The following UNC79 variants were observed in gnomAD, a reference collection of about 807,000 sequenced individuals.
UNC79 encodes the protein protein unc-79 homolog.
Under a neutral mutation model 283.1 loss-of-function variants are expected in UNC79, and 37 were observed. That is an observed-to-expected ratio of 0.13 (90% confidence interval 0.10 to 0.17). UNC79 has a LOEUF of 0.17. UNC79 is among the 10% of genes least tolerant of loss of function. UNC79 has a pLI of 1.00. For missense variants in UNC79, 2,272 were observed against 3,211.1 expected, an observed-to-expected ratio of 0.71 and a Z score of 7.07; for synonymous variants, 1,107 against 1,200.2, an observed-to-expected ratio of 0.92 and a Z score of 1.61.
At chr14:93,590,555 A>G (rs1360430955) in intron 22 of UNC79, among the ~76,000 whole-genome samples, 1 of 152,068 alleles carries the variant, frequency 6.6e-6, no homozygotes, top group East Asian at 1.9e-4. Flanking sequence ...AACCCCCCAG[A>G]ATGTACACTT....
At chr14:93,347,520 G>A in intron 1 of UNC79, 1 of 1,152,372 alleles carries the variant, frequency 8.7e-7, no homozygotes, top group Non-Finnish European at 1.1e-6. Flanking sequence ...TGGCTTGGTC[G>A]CCGTTGGGGG....
intron 14 of UNC79, among the ~76,000 whole-genome samples, chr14:93,552,395 T>G (rs2141313358): frequency 6.6e-6 from 1 of 152,302 alleles, no homozygotes; most frequent in African/African-American, 2.4e-5. Flanking sequence ...AGAATAAGCC[T>G]TAGTTTGCAG....
At chr14:93,653,178 C>T (rs1256629268) in intron 35 of UNC79, among the ~76,000 whole-genome samples, 1 of 152,058 alleles carries the variant, frequency 6.6e-6, no homozygotes, top group Non-Finnish European at 1.5e-5. Flanking sequence ...ATAAATTTGG[C>T]CCTACTTTTG....
chr14:93,506,358 G>C (rs1256758452), intron 7 of UNC79, among the ~76,000 whole-genome samples: 1 of 151,998 alleles, frequency 6.6e-6, no homozygotes. Flanking sequence ...GAGTAGCTGG[G>C]ATTACAGGCA....
chr14:93,591,963 A>C (rs1336494672), intron 22 of UNC79, among the ~76,000 whole-genome samples: 1 of 152,180 alleles, frequency 6.6e-6, no homozygotes, highest in African/African-American at 2.4e-5. Flanking sequence ...AGTTGGTTTT[A>C]TGCAGTTATG....
intron 39 of UNC79, among the ~76,000 whole-genome samples, chr14:93,660,178 C>T (rs1457915477): frequency 6.6e-6 from 1 of 152,096 alleles, no homozygotes; most frequent in Non-Finnish European, 1.5e-5. Context: ...ACGTATTCTG[C>T]AACTGTTTAA....
At chr14:93,583,824 A>T (rs1274783063) in intron 20 of UNC79, among the ~76,000 whole-genome samples, 1 of 132,180 alleles carries the variant, frequency 7.6e-6, no homozygotes, top group African/African-American at 3.4e-5. Context: ...TTTTTTTTTA[A>T]GATAAGGGTC....
At chr14:93,480,571 G>T (rs1315726567) in intron 4 of UNC79, among the ~76,000 whole-genome samples, 1 of 152,056 alleles carries the variant, frequency 6.6e-6, no homozygotes. Flanking sequence ...AAAATAAATT[G>T]TAATACCAAC....
chr14:93,336,064 C>T (rs975870092), intron 1 of UNC79, among the ~76,000 whole-genome samples: 11 of 152,116 alleles, frequency 7.2e-5, no homozygotes, highest in Non-Finnish European at 5.9e-5. Context: ...CAGTCTTTTC[C>T]TTCCTTTGTA....
At chr14:93,412,230 T>C (rs1170337634) in intron 1 of UNC79, among the ~76,000 whole-genome samples, 1 of 151,636 alleles carries the variant, frequency 6.6e-6, no homozygotes, top group East Asian at 1.9e-4. Context: ...TATGTGAAAA[T>C]ACATGGAGGA....
chr14:93,527,457 A>G (rs1027473003), intron 8 of UNC79, among the ~76,000 whole-genome samples: 1 of 152,256 alleles, frequency 6.6e-6, no homozygotes, highest in Non-Finnish European at 1.5e-5. Context: ...CTAAGGAAGC[A>G]TGAAACTTAC....
chr14:93,680,914 C>A (rs2073795580), intron 41 of UNC79, among the ~76,000 whole-genome samples: 1 of 152,178 alleles, frequency 6.6e-6, no homozygotes, highest in African/African-American at 2.4e-5. Context: ...GTACGTCTAT[C>A]AAATATTTCA....
At chr14:93,498,211 G>A (rs2059110339) in intron 7 of UNC79, among the ~76,000 whole-genome samples, 1 of 151,794 alleles carries the variant, frequency 6.6e-6, no homozygotes, top group Admixed American at 6.6e-5. Context: ...AGGTTGCAAT[G>A]AGCCAAGATT....
chr14:93,542,760 AGCC>A, intron 14 of UNC79, 64 bp downstream of exon 14: 3 of 1,532,934 alleles, frequency 2.0e-6, no homozygotes, highest in Non-Finnish European at 2.7e-6. Context: ...GTGCTGCCTT[AGCC>A]ATGTGGGTAT....
rs1377535939 is a variant in UNC79, at chr14:93,603,438, C to T, written c.3754+20C>T. 1.9e-6 allele frequency: 3 copies of T among 1,611,810 alleles called. No individual in the cohort carries two copies. The highest frequency in any genetic ancestry group is 2.5e-6 in the Non-Finnish European group (3 of 1,178,886). On this transcript the variant is annotated intron_variant, in intron 26 of 48. Coordinates refer to ENST00000555664, the Ensembl canonical transcript of UNC79. ...AAATTCGTTGAGTATCTTCTTTCAT[C>T]CTTCCGTTAAATCTGTTTAATGTCT...
intron 14 of UNC79, among the ~76,000 whole-genome samples, chr14:93,552,255 A>T (rs1188755024): frequency 6.6e-6 from 1 of 152,172 alleles, no homozygotes; most frequent in Non-Finnish European, 1.5e-5. Context: ...AATAAGAGAC[A>T]TTTCTATGGA....
intron 1 of UNC79, among the ~76,000 whole-genome samples, chr14:93,357,835 GTATATATATGGATATATGGA>G (rs1200034046): frequency 0.019 from 336 of 17,244 alleles, 9 homozygotes; most frequent in Middle Eastern, 0.038. Flanking sequence ...ATATGGATAT[GTATATATATGGATATATGGA>G]TATATATATG....
chr14:93,360,919 A>G (rs2054207028), intron 1 of UNC79, among the ~76,000 whole-genome samples: 2 of 152,174 alleles, frequency 1.3e-5, no homozygotes, highest in Non-Finnish European at 1.5e-5. Context: ...TCTACAACCA[A>G]GAAAGAGGCA....
At chr14:93,395,456 G>A (rs1431987316) in intron 1 of UNC79, among the ~76,000 whole-genome samples, 1 of 152,162 alleles carries the variant, frequency 6.6e-6, no homozygotes, top group Non-Finnish European at 1.5e-5. Context: ...GGTGGAGCAG[G>A]AGAGAGAGCA....
Sources: gnomAD v4.1 joint callset for allele counts (sites outside exome capture counted in the v4.1 genomes callset) on GRCh38, gnomAD v4.1.1 for gene constraint, MANE v1.5 for transcripts, NCBI Gene and HGNC (gene_info 2026-07-23, HGNC 2026-07-21) for gene names.